ZFYVE9: variants seen among roughly 807,000 people sequenced by gnomAD.
ZFYVE9 encodes zinc finger FYVE domain-containing protein 9.
ZFYVE9 carries 43 observed loss-of-function variants against 126.7 expected under a neutral mutation model. The ratio of observed to expected loss-of-function variants is 0.34; its 90% CI spans 0.27 to 0.44. ZFYVE9 has a LOEUF of 0.44. Ranked by LOEUF, ZFYVE9 falls within the 20% of genes least tolerant of loss-of-function variation. ZFYVE9 has a pLI of 1.00. For missense variants in ZFYVE9, 1,476 were observed against 1,697.0 expected, an observed-to-expected ratio of 0.87 and a Z score of 2.29; for synonymous variants, 521 against 597.4, an observed-to-expected ratio of 0.87 and a Z score of 1.87.
At position 52,238,488 on chromosome 1, in the gene ZFYVE9, G is replaced by T. The variant is rs763920503; in HGVS notation, c.1071G>T (p.Arg357=). 2.5e-6 allele frequency: 4 copies of T among 1,614,094 alleles called. No individual in the cohort carries two copies. The highest frequency in any genetic ancestry group is 3.4e-6 in the Non-Finnish European group (4 of 1,179,958). Residue 357 remains arginine (R), a synonymous_variant, in exon 4 of 19, where the codon CGG becomes CGT. Coordinates refer to ENST00000287727, the MANE Select transcript of ZFYVE9 (RefSeq NM_004799.4). ...NGSGRNNDCE[R]CSDCLVPNEV... is the part of the protein sequence containing the mutation. The stretch of plus-strand genomic sequence containing the variant: ...CTGGAAGGAATAATGACTGTGAACG[G>T]TGTTCAGATTGCCTTGTGCCTAATG...
At chr1:52,154,007 A>G (rs997193917) in intron 1 of ZFYVE9, among the ~76,000 whole-genome samples, 6 of 152,184 alleles carry the variant, frequency 3.9e-5, no homozygotes, top group East Asian at 1.9e-4. Context: ...GGCCATTCCA[A>G]TACTCTCTAA....
intron 13 of ZFYVE9, among the ~76,000 whole-genome samples, chr1:52,307,073 A>C (rs1463865128): frequency 6.6e-6 from 1 of 152,236 alleles, no homozygotes; most frequent in Non-Finnish European, 1.5e-5. Context: ...CCAGAAAAGC[A>C]ACACACCAAG....
At chr1:52,220,955 A>G (rs748001119) in intron 2 of ZFYVE9, among the ~76,000 whole-genome samples, 9 of 152,158 alleles carry the variant, frequency 5.9e-5, no homozygotes, top group Non-Finnish European at 8.8e-5. Flanking sequence ...GACAACTGCA[A>G]TTTCTTCTGG....
chr1:52,271,598 A>G (rs1032599184), intron 7 of ZFYVE9, among the ~76,000 whole-genome samples: 6 of 152,116 alleles, frequency 3.9e-5, no homozygotes, highest in Non-Finnish European at 7.3e-5. Flanking sequence ...AGACCAACTG[A>G]CCACTTTTTA....
chr1:52,346,054 G>A lies in ZFYVE9; in HGVS notation c.4117-6G>A. The A allele has an allele frequency of 6.3e-7, 1 of 1,593,948 alleles. No homozygotes were observed. The highest frequency in any genetic ancestry group is 8.6e-7 in the Non-Finnish European group (1 of 1,166,926). On this transcript the variant is annotated splice_polypyrimidine_tract_variant and splice_region_variant and intron_variant, in intron 18 of 18. Transcript: ENST00000287727. ...AACCTCTCCTCCTTTTCTCTCTGTG[G>A]TATAGGTTGGCTATCAAGCAGGGAG...
Position 52,238,705 on chromosome 1 carries a change from G to T in ZFYVE9, c.1288G>T (p.Asp430Tyr). ...GTTTCTACAGATTAGTCAGCCTGAG[G>T]ACACTAATGGTGATAGTGGAGGACA... ...EKFLQISQPE[D>Y]TNGDSGGQCV... Residue 430 changes from aspartate to tyrosine, a missense_variant, in exon 4 of 19, where the codon GAC becomes TAC. Asp to Tyr is a radical substitution (Grantham distance 160, BLOSUM62 -3). Around this residue, in one of 2 missense-constraint regions of ZFYVE9, gnomAD observed 807 missense variants for 794.6 expected, o/e 1.02. Coordinates refer to ENST00000287727, the MANE Select transcript of ZFYVE9 (RefSeq NM_004799.4). 1 of 1,614,098 alleles carries T rather than the reference G, an allele frequency of 6.2e-7. No individual in the cohort carries two copies. The highest frequency in any genetic ancestry group is 8.5e-7 in the Non-Finnish European group (1 of 1,179,972).
chr1:52,271,694 G>A (rs1645694177), intron 7 of ZFYVE9, among the ~76,000 whole-genome samples: 1 of 152,144 alleles, frequency 6.6e-6, no homozygotes, highest in Non-Finnish European at 1.5e-5. Context: ...TCAGTTAATG[G>A]TAGTTTGCCA....
Position 52,238,522 on chromosome 1 carries a change from G to A in ZFYVE9, c.1105G>A (p.Ala369Thr), listed in dbSNP as rs1441414968. The A allele has an allele frequency of 5.0e-6, 8 of 1,613,962 alleles. No homozygotes were observed. The highest frequency in any genetic ancestry group is 2.2e-5 in the East Asian group (1 of 44,902). Reference sequence around the variant, plus strand: ...TTGCCTTGTGCCTAATGAAGTTAGGGCTGATGAAAATGAAGGTTATGAACA... The same window carrying A: ...TTGCCTTGTGCCTAATGAAGTTAGGACTGATGAAAATGAAGGTTATGAACA... ...SDCLVPNEVR[A>T]DENEGYEHEE... Residue 369 changes from alanine to threonine, a missense_variant, in exon 4 of 19, where the codon GCT (alanine) becomes ACT (threonine). Physicochemically the swap from Ala to Thr is moderately conservative, Grantham distance 58 (BLOSUM62 0). Transcript: ENST00000287727.
At chr1:52,149,485 A>G (rs1176778404) in intron 1 of ZFYVE9, among the ~76,000 whole-genome samples, 1 of 152,210 alleles carries the variant, frequency 6.6e-6, no homozygotes, top group Non-Finnish European at 1.5e-5. Flanking sequence ...TTTACAGTCT[A>G]GTTTCATATT....
intron 8 of ZFYVE9, 152 bp downstream of exon 8, chr1:52,274,736 ATTAT>A (rs1645729147): frequency 1.2e-6 from 1 of 827,346 alleles, no homozygotes; most frequent in African/African-American, 1.7e-5. Flanking sequence ...TGTTGCTGTT[ATTAT>A]TTTAGAGTAG....
intron 5 of ZFYVE9, among the ~76,000 whole-genome samples, chr1:52,266,405 T>TAAAAAAAAAAAAAAAAAA (rs33996604): frequency 2.3e-5 from 2 of 85,640 alleles, no homozygotes; most frequent in African/African-American, 9.6e-5. Flanking sequence ...TCTAATTCTT[T>TAAAAAAAAAAAAAAAAAA]AAAAAAAAAA....
In ZFYVE9 at chr1:52,341,068, A is replaced by G. The variant is rs1490376393; in HGVS notation, c.3939+837A>G. On this transcript the variant is annotated intron_variant, in intron 17 of 18. Coordinates refer to ENST00000287727, the MANE Select transcript of ZFYVE9 (RefSeq NM_004799.4). Reference sequence around the variant, plus strand: ...AAACCCCGTCTCTACTAAAAATACAAAATTAGCCGGGCATGGTGGTGCATG... The same window carrying G: ...AAACCCCGTCTCTACTAAAAATACAGAATTAGCCGGGCATGGTGGTGCATG... Among the ~76,000 whole-genome samples the G allele has an allele frequency of 2.0e-5, 3 of 152,062 alleles. No homozygotes were observed. The South Asian group carries it at 6.2e-4, about 32-fold the overall frequency.
intron 1 of ZFYVE9, among the ~76,000 whole-genome samples, chr1:52,184,393 ATTT>A (rs57242903): frequency 1.0e-4 from 12 of 115,054 alleles, no homozygotes; most frequent in African/African-American, 4.1e-4. Flanking sequence ...AGTCCAGCTA[ATTT>A]TTTTTTTTTT....
chr1:52,235,018 G>A (rs975610536), intron 3 of ZFYVE9, among the ~76,000 whole-genome samples: 13 of 152,130 alleles, frequency 8.5e-5, no homozygotes, highest in African/African-American at 2.9e-4. Flanking sequence ...TTCTATTAGG[G>A]TGCTTTGTGT....
chr1:52,293,236 A>T (rs1197325995), intron 10 of ZFYVE9, among the ~76,000 whole-genome samples: 1 of 151,956 alleles, frequency 6.6e-6, no homozygotes, highest in East Asian at 1.9e-4. Flanking sequence ...AAAGTTAGCC[A>T]GGTCTGGTGG....
intron 1 of ZFYVE9, among the ~76,000 whole-genome samples, chr1:52,158,350 A>G (rs183675625): frequency 1.3e-5 from 2 of 152,212 alleles, no homozygotes; most frequent in South Asian, 4.1e-4. Flanking sequence ...ACTAGCTATT[A>G]TCATGGCATC....
intron 5 of ZFYVE9, among the ~76,000 whole-genome samples, chr1:52,264,340 C>A (rs1645612567): frequency 6.6e-6 from 1 of 152,152 alleles, no homozygotes; most frequent in African/African-American, 2.4e-5. Flanking sequence ...ATTTTAGCAT[C>A]TAGGACCAAG....
At chr1:52,344,126 C>A (rs1038458511) in intron 17 of ZFYVE9, among the ~76,000 whole-genome samples, 1 of 151,918 alleles carries the variant, frequency 6.6e-6, no homozygotes, top group African/African-American at 2.4e-5. Context: ...CGGACTTGCT[C>A]ATGACCCTTC....
At chr1:52,223,680 A>G (rs1191586340) in intron 2 of ZFYVE9, among the ~76,000 whole-genome samples, 1 of 152,016 alleles carries the variant, frequency 6.6e-6, no homozygotes, top group Non-Finnish European at 1.5e-5. Flanking sequence ...CCCTTGTTGT[A>G]CATTAAATGC....
Sources: allele counts gnomAD v4.1 joint callset (sites outside exome capture counted in the v4.1 genomes callset), GRCh38; gene constraint gnomAD v4.1.1; regional missense constraint gnomAD v4.1.1; transcripts MANE v1.5; gene names NCBI Gene and HGNC (gene_info 2026-07-23, HGNC 2026-07-21).